STRIP2: variants seen among roughly 807,000 people sequenced by gnomAD.
The protein encoded by STRIP2 is striatin-interacting protein 2.
In STRIP2, 84 loss-of-function variants were observed where a neutral mutation model predicts 107.1. The ratio of observed to expected loss-of-function variants is 0.78; its 90% CI spans 0.66 to 0.94. The LOEUF is 0.94. Ranked by LOEUF, STRIP2 falls within the 40% of genes least tolerant of loss-of-function variation. STRIP2 has a pLI of 0.00. For synonymous variants in STRIP2, 394 were observed against 400.4 expected (o/e 0.98, Z 0.19); for missense variants, 888 against 1,034.2 (o/e 0.86, Z 1.94).
chr7:129,480,700 A>G (rs1210312013), intron 18 of STRIP2, 85 bp from the exon 19 acceptor site: 2 of 1,178,390 alleles, frequency 1.7e-6, no homozygotes, highest in Non-Finnish European at 2.4e-6. Flanking sequence ...GGCCTCACCT[A>G]AACTGACCAA....
At position 129,487,204 on chromosome 7, in the gene STRIP2, A is replaced by G. The variant is rs1584979554; in HGVS notation, c.*1375A>G. 1 of 152,046 alleles carries G rather than the reference A, an allele frequency of 6.6e-6. No individual in the cohort carries two copies. The highest frequency in any genetic ancestry group is 1.5e-5 in the Non-Finnish European group (1 of 68,058). 9.4% of individuals were successfully genotyped at this position (152,046 alleles called of 1,614,324 possible). Reference sequence around the variant, plus strand: ...AATTTTTTGTATTTTTAGTAGAAACAGGGTTTCACCATGTTAGCCAGGCTG... The same window carrying G: ...AATTTTTTGTATTTTTAGTAGAAACGGGGTTTCACCATGTTAGCCAGGCTG... On this transcript the variant is annotated 3_prime_UTR_variant, in exon 21 of 21. Coordinates refer to ENST00000249344, the MANE Select transcript of STRIP2 (RefSeq NM_020704.3).
intron 14 of STRIP2, 95 bp from the exon 15 acceptor site, chr7:129,463,949 A>G (rs1798607014): frequency 1.1e-6 from 1 of 949,222 alleles, no homozygotes; most frequent in Admixed American, 2.1e-5. Flanking sequence ...GAATGGCTTT[A>G]AAACACTTTT....
In STRIP2 at chr7:129,476,352, C is replaced by G. The variant is rs1366661883; in HGVS notation, c.1945-4433C>G. 2.1e-3 allele frequency among the ~76,000 whole-genome samples: 293 copies of G among 140,630 alleles called. 1 individual carries two copies. Among genetic ancestry groups the G allele is most frequent in the African/African-American group, 7.1e-3 (272 of 38,092 alleles). 92.3% of individuals were successfully genotyped at this position (140,630 alleles called of 152,430 possible). A position where few individuals can be genotyped will look rare whatever the true frequency, so the allele number is the denominator to read the frequency against. ...CTCACTTCTCAGACGGGGCGGCTGC[C>G]GGGCGGAGGGGCTCCTCACTTCTCA... is the stretch of plus-strand genomic sequence containing the variant. On this transcript the variant is annotated intron_variant, in intron 18 of 20. Transcript: ENST00000249344.
At chr7:129,479,108 C>T (rs761692072) in intron 18 of STRIP2, among the ~76,000 whole-genome samples, 1 of 151,994 alleles carries the variant, frequency 6.6e-6, no homozygotes, top group Non-Finnish European at 1.5e-5. Context: ...AACCCCATCT[C>T]TACCAAAAAT....
chr7:129,434,576 T>C lies in STRIP2; in HGVS notation c.104T>C (p.Phe35Ser). 6.6e-7 allele frequency: 1 copy of C among 1,515,008 alleles called. No individual in the cohort carries two copies. Among genetic ancestry groups the C allele is most frequent in the Non-Finnish European group, 8.8e-7 (1 of 1,137,852 alleles). The allele number at this position is 1,515,008 out of a possible 1,614,324, so 93.8% of individuals were successfully genotyped here. A position where few individuals can be genotyped will look rare whatever the true frequency, so the allele number is the denominator to read the frequency against. Residue 35 changes from phenylalanine (F) to serine (S), a missense_variant, in exon 1 of 21, where the codon TTC becomes TCC. Physicochemically the swap from Phe to Ser is radical, Grantham distance 155. Coordinates refer to ENST00000249344, the MANE Select transcript of STRIP2 (RefSeq NM_020704.3). ...GCGGCGCCCAAGGGCCGCGAAGCGT[T>C]CCGAAGCCAGCGGCGGGAGTCAGAG... ...KQAAPKGREA[F>S]RSQRRESEGS...
At chr7:129,470,443 G>T (rs1334918167) in intron 17 of STRIP2, among the ~76,000 whole-genome samples, 1 of 152,334 alleles carries the variant, frequency 6.6e-6, no homozygotes, top group African/African-American at 2.4e-5. Context: ...CAGCCTCAAA[G>T]AACTCATTGG....
chr7:129,474,969 TTAGA>T (rs1486341053), intron 18 of STRIP2, among the ~76,000 whole-genome samples: 12 of 152,238 alleles, frequency 7.9e-5, no homozygotes, highest in African/African-American at 1.7e-4. Context: ...TAATTAGCTC[TTAGA>T]TAGGCCATCT....
At chr7:129,443,122 C>T (rs562882497) in intron 2 of STRIP2, among the ~76,000 whole-genome samples, 1 of 151,530 alleles carries the variant, frequency 6.6e-6, no homozygotes, top group South Asian at 2.1e-4. Flanking sequence ...CTCACTAAAG[C>T]CTCAAACTCC....
chr7:129,454,613 C>T lies in STRIP2; in HGVS notation c.706+86C>T, dbSNP rs144613496. The T allele has an allele frequency of 1.8e-3, 1,470 of 837,130 alleles. 3 individuals carry two copies. Among genetic ancestry groups the T allele is most frequent in the Non-Finnish European group, 2.4e-3 (1,192 of 497,796 alleles). 51.9% of individuals were successfully genotyped at this position (837,130 alleles called of 1,614,324 possible). A position where few individuals can be genotyped will look rare whatever the true frequency, so the allele number is the denominator to read the frequency against. On this transcript the variant is annotated intron_variant, in intron 7 of 20. Transcript: ENST00000249344. Reference sequence around the variant, plus strand: ...CATCTGCCTAGGAGAGGCAGACAGTCGTTTTTTCTTTTGTTTTCTTTTTTA... The same window carrying T: ...CATCTGCCTAGGAGAGGCAGACAGTTGTTTTTTCTTTTGTTTTCTTTTTTA...
intron 17 of STRIP2, among the ~76,000 whole-genome samples, chr7:129,470,392 G>A (rs1175348429): frequency 6.6e-6 from 1 of 152,198 alleles, no homozygotes; most frequent in Non-Finnish European, 1.5e-5. Context: ...TAAGAAAAGA[G>A]GCTCTCTTTC....
chr7:129,447,843 G>A (rs13243857), intron 3 of STRIP2, among the ~76,000 whole-genome samples: 29,954 of 152,238 alleles, frequency 0.2, 3,863 homozygotes, highest in Non-Finnish European at 0.28. Context: ...ATAATCCACT[G>A]ACATTCTCCA....
intron 18 of STRIP2, chr7:129,478,064 A>G: frequency 3.0e-6 from 1 of 337,440 alleles, no homozygotes; most frequent in Non-Finnish European, 5.9e-6. Context: ...GGTGATACGA[A>G]GAAATAGTAT....
chr7:129,448,016 CA>C (rs1798083666), intron 3 of STRIP2, among the ~76,000 whole-genome samples: 1 of 152,202 alleles, frequency 6.6e-6, no homozygotes, highest in African/African-American at 2.4e-5. Context: ...TAGGTAGAGG[CA>C]GCTCTAATGG....
intron 18 of STRIP2, 68 bp from the exon 19 acceptor site, chr7:129,480,717 C>G (rs934793402): frequency 5.2e-6 from 7 of 1,358,968 alleles, no homozygotes; most frequent in African/African-American, 2.9e-5. Context: ...CCAACATTGA[C>G]TTCCAGGCTT....
intron 18 of STRIP2, among the ~76,000 whole-genome samples, chr7:129,479,135 G>A (rs887711790): frequency 5.3e-5 from 8 of 151,946 alleles, no homozygotes; most frequent in East Asian, 3.9e-4. Context: ...TTAGCTAGGC[G>A]TGGCGGTGCA....
At chr7:129,477,058 G>T (rs1407909698) in intron 18 of STRIP2, among the ~76,000 whole-genome samples, 1 of 151,424 alleles carries the variant, frequency 6.6e-6, no homozygotes, top group African/African-American at 2.4e-5. Context: ...GCCTGCAATC[G>T]CAGGCACTCG....
At chr7:129,466,634 T>C (rs537687596) in intron 16 of STRIP2, among the ~76,000 whole-genome samples, 1 of 152,252 alleles carries the variant, frequency 6.6e-6, no homozygotes, top group South Asian at 2.1e-4. Flanking sequence ...TCCCACTGGG[T>C]TGTCCTATAT....
chr7:129,455,184 T>G, intron 7 of STRIP2, 60 bp from the exon 8 acceptor site: 1 of 1,555,132 alleles, frequency 6.4e-7, no homozygotes, highest in Non-Finnish European at 8.7e-7. Flanking sequence ...CAGGGTTACA[T>G]GAAAAAGGTT....
chr7:129,440,143 G>C, intron 2 of STRIP2, 52 bp downstream of exon 2: 64 of 1,465,388 alleles, frequency 4.4e-5, no homozygotes, highest in Non-Finnish European at 5.7e-5. Flanking sequence ...GGAGGAGAGG[G>C]AAGGGGCCTG....
Sources: gnomAD v4.1 joint callset for allele counts (sites outside exome capture counted in the v4.1 genomes callset) on GRCh38, gnomAD v4.1.1 for gene constraint, MANE v1.5 for transcripts, NCBI Gene and HGNC (gene_info 2026-07-23, HGNC 2026-07-21) for gene names.